Variants in ARHGEF7 observed in about 807,000 individuals in gnomAD.
ARHGEF7 encodes the protein Rho guanine nucleotide exchange factor 7.
ARHGEF7 carries 33 observed loss-of-function variants against 109.8 expected under a neutral mutation model. The observed-to-expected ratio is 0.30, with a 90% CI of 0.23 to 0.40. The LOEUF is 0.40. Ranked by LOEUF, ARHGEF7 falls within the 10% of genes least tolerant of loss-of-function variation. ARHGEF7 has a pLI of 1.00. For synonymous variants in ARHGEF7, 458 were observed against 424.6 expected, an observed-to-expected ratio of 1.08 and a Z score of -0.97; for missense variants, 938 against 1,098.5, an observed-to-expected ratio of 0.85 and a Z score of 2.07.
chr13:111,247,842 A>G (rs1036587631), intron 8 of ARHGEF7, among the ~76,000 whole-genome samples: 1 of 152,000 alleles, frequency 6.6e-6, no homozygotes, highest in Non-Finnish European at 1.5e-5. Context: ...ACATACCTCA[A>G]ATATTTACTC....
At chr13:111,133,796 T>TAA (rs2074934782) in intron 1 of ARHGEF7, among the ~76,000 whole-genome samples, 5 of 34,812 alleles carry the variant, frequency 1.4e-4, no homozygotes. Flanking sequence ...TATATATATA[T>TAA]ATATATATAT....
At chr13:111,241,448 G>T (rs990809127) in intron 6 of ARHGEF7, 19 of 1,161,274 alleles carry the variant, frequency 1.6e-5, no homozygotes, top group Admixed American at 1.4e-4. Flanking sequence ...GTGTGTTTGA[G>T]GAAAAGTTAA....
intron 16 of ARHGEF7, among the ~76,000 whole-genome samples, chr13:111,283,857 T>C (rs1381738621): frequency 6.6e-6 from 1 of 152,160 alleles, no homozygotes; most frequent in Non-Finnish European, 1.5e-5. Context: ...TTTCCCCCTT[T>C]GATGCATAAG....
chr13:111,282,907 TGTCTGGGGCAGAC>T, intron 15 of ARHGEF7: 2 of 622,418 alleles, frequency 3.2e-6, no homozygotes, highest in Non-Finnish European at 2.8e-6. Context: ...CTGCCCCTCC[TGTCTGGGGCAGAC>T]GCCGTGAGGA....
At chr13:111,127,564 C>G (rs2067651921) in intron 1 of ARHGEF7, among the ~76,000 whole-genome samples, 1 of 147,296 alleles carries the variant, frequency 6.8e-6, no homozygotes, top group African/African-American at 2.5e-5. Flanking sequence ...GGAGGATCAC[C>G]TGAGCCTGGG....
chr13:111,194,088 C>G (rs7326282), intron 2 of ARHGEF7, among the ~76,000 whole-genome samples: 1 of 152,070 alleles, frequency 6.6e-6, no homozygotes, highest in Admixed American at 6.5e-5. Context: ...AGACGGCCAC[C>G]GCCGCAACTA....
intron 6 of ARHGEF7, among the ~76,000 whole-genome samples, chr13:111,238,134 C>T (rs760837624): frequency 6.6e-6 from 1 of 152,170 alleles, no homozygotes; most frequent in Non-Finnish European, 1.5e-5. Context: ...TTCTCATGTA[C>T]GTACTGTTTG....
intron 16 of ARHGEF7, 128 bp downstream of exon 16, chr13:111,283,491 G>A (rs2092880409): frequency 7.1e-7 from 1 of 1,412,198 alleles, no homozygotes; most frequent in Admixed American, 2.6e-5. Flanking sequence ...TGAGAAGGGG[G>A]GGTCTGCCTT....
chr13:111,146,717 G>A (rs1269024961), intron 1 of ARHGEF7, among the ~76,000 whole-genome samples: 1 of 152,164 alleles, frequency 6.6e-6, no homozygotes, highest in Non-Finnish European at 1.5e-5. Flanking sequence ...GGTGGCAGCT[G>A]TCTTAGTCGG....
rs564037612 is a variant in ARHGEF7 at position 111,275,514 on chromosome 13, T to G, written c.1273-18T>G. On this transcript the variant is annotated intron_variant, in intron 11 of 21. Coordinates refer to ENST00000646102, the MANE Select transcript of ARHGEF7 (RefSeq NM_001354046.2). ...TGAAAGTTTATGTCTGTTAACAGTG[T>G]TGTTCTGTGTCTGTCAGGCCCAATG... 4.0e-5 allele frequency: 65 copies of G among 1,613,338 alleles called. No homozygotes were observed. The South Asian group carries it at 4.8e-4, about 12-fold the overall frequency.
chr13:111,221,533 C>CGA (rs1566876374), intron 5 of ARHGEF7, among the ~76,000 whole-genome samples: 1 of 33,810 alleles, frequency 3.0e-5, no homozygotes. Flanking sequence ...CTATATATAT[C>CGA]TATATATAGA....
chr13:111,153,788 G>T (rs1306347587), intron 1 of ARHGEF7, 117 bp from the exon 2 acceptor site: 3 of 1,385,638 alleles, frequency 2.2e-6, no homozygotes, highest in Non-Finnish European at 1.9e-6. Context: ...GCCGTCGGGG[G>T]CCGCTCGCCA....
intron 1 of ARHGEF7, among the ~76,000 whole-genome samples, chr13:111,121,708 G>A (rs934764326): frequency 6.6e-6 from 1 of 152,228 alleles, no homozygotes; most frequent in Non-Finnish European, 1.5e-5. Context: ...GAACCCACGG[G>A]TCCCTGCCTG....
Position 111,300,765 on chromosome 13 carries a change from G to T in ARHGEF7, c.2329G>T (p.Ala777Ser). The change falls in exon 20 of 22, where the codon GCT becomes TCT. Residue 777 changes from alanine to serine, a missense_variant. Ala to Ser is a moderately conservative substitution (Grantham distance 99, BLOSUM62 1). Coordinates refer to ENST00000646102, the MANE Select transcript of ARHGEF7 (RefSeq NM_001354046.2). ...GATCCTAGGTTCACGCAAAGAATCT[G>T]CTCCACAAGTTTTGCTTCCAGAAGA... Reference protein sequence around the residue: ...GSTSRSRKESAPQVLLPEEEK... With the variant: ...GSTSRSRKESSPQVLLPEEEK... 6.2e-7 allele frequency: 1 copy of T among 1,611,092 alleles called. No homozygotes were observed. Among genetic ancestry groups the T allele is most frequent in the Non-Finnish European group, 8.5e-7 (1 of 1,178,438 alleles).
chr13:111,184,093 G>C (rs2079015184), intron 2 of ARHGEF7, among the ~76,000 whole-genome samples: 2 of 152,110 alleles, frequency 1.3e-5, no homozygotes, highest in African/African-American at 4.8e-5. Context: ...ATCACGGGTT[G>C]GTTTCCCCGC....
At chr13:111,235,436 G>A (rs2086673479) in intron 6 of ARHGEF7, among the ~76,000 whole-genome samples, 1 of 152,160 alleles carries the variant, frequency 6.6e-6, no homozygotes, top group Non-Finnish European at 1.5e-5. Context: ...TATTATAAGT[G>A]CTCTTTTCTT....
At chr13:111,122,774 T>C (rs1371271064) in intron 1 of ARHGEF7, 1 of 152,156 alleles carries the variant, frequency 6.6e-6, no homozygotes, top group Non-Finnish European at 1.5e-5. Flanking sequence ...GTATAAAGTA[T>C]TTGTGAGTTC....
At chr13:111,179,847 A>G (rs1237272861) in intron 2 of ARHGEF7, among the ~76,000 whole-genome samples, 1 of 152,194 alleles carries the variant, frequency 6.6e-6, no homozygotes, top group Non-Finnish European at 1.5e-5. Context: ...CTGCATAGGT[A>G]ATACTCTGTA....
intron 2 of ARHGEF7, among the ~76,000 whole-genome samples, chr13:111,154,377 G>A (rs1367787559): frequency 6.6e-6 from 1 of 152,126 alleles, no homozygotes; most frequent in Non-Finnish European, 1.5e-5. Context: ...GTCATCTAAG[G>A]GCTGGCATCT....
Sources: gnomAD v4.1 joint callset for allele counts (sites outside exome capture counted in the v4.1 genomes callset) on GRCh38, gnomAD v4.1.1 for gene constraint, MANE v1.5 for transcripts, NCBI Gene and HGNC (gene_info 2026-07-23, HGNC 2026-07-21) for gene names.